Variants in RIMBP2 observed in about 807,000 individuals in gnomAD.
RIMBP2 encodes RIMS binding protein 2.
RIMBP2 carries 48 observed loss-of-function variants against 118.6 expected under a neutral mutation model. That is an observed-to-expected ratio of 0.40 (90% confidence interval 0.32 to 0.51). The LOEUF is 0.51. Ranked by LOEUF, RIMBP2 falls within the 20% of genes least tolerant of loss-of-function variation. RIMBP2 has a pLI of 0.41. For synonymous variants in RIMBP2, 762 were observed against 742.9 expected (o/e 1.03, Z -0.42); for missense variants, 1,551 against 1,768.3 (o/e 0.88, Z 2.20).
chr12:130,529,884 C>T (rs930044820), intron 2 of RIMBP2, among the ~76,000 whole-genome samples: 4 of 152,146 alleles, frequency 2.6e-5, no homozygotes, highest in Non-Finnish European at 5.9e-5. Context: ...CTTATGCCGC[C>T]GCTGATCTGA....
chr12:130,446,885 G>A lies in RIMBP2; in HGVS notation c.582-1616C>T, dbSNP rs1461278079. On this transcript the variant is annotated intron_variant, in intron 9 of 22. Coordinates refer to ENST00000690449, the MANE Select transcript of RIMBP2 (RefSeq NM_001393629.1). This position sits in a 1 kb window ranked among gnomAD's most constrained non-coding sequence, Gnocchi z 4.1. ...GGAGTTTGGTCGGGGAGTGACTTAG[G>A]AGGCTGTGGAAATGCGGGTTGCCTG... Among the ~76,000 whole-genome samples the A allele has an allele frequency of 6.6e-6, 1 of 152,078 alleles. No individual in the cohort carries two copies. The highest frequency in any genetic ancestry group is 1.5e-5 in the Non-Finnish European group (1 of 68,022).
At chr12:130,674,252 C>T (rs529925781) in intron 1 of RIMBP2, among the ~76,000 whole-genome samples, 4 of 152,218 alleles carry the variant, frequency 2.6e-5, no homozygotes, top group African/African-American at 9.7e-5. Context: ...GCGTCCCCTT[C>T]GCCTTCCGCC....
chr12:130,480,025 C>T (rs895828580), intron 4 of RIMBP2, among the ~76,000 whole-genome samples: 1 of 151,902 alleles, frequency 6.6e-6, no homozygotes, highest in Admixed American at 6.5e-5. Flanking sequence ...ACCCTGGCAG[C>T]CTGCAGGAGG....
chr12:130,454,050 A>G (rs1223545906), intron 7 of RIMBP2, among the ~76,000 whole-genome samples: 2 of 151,802 alleles, frequency 1.3e-5, no homozygotes, highest in South Asian at 2.1e-4. Flanking sequence ...CGAGACTCCA[A>G]TGCAAAAAAC....
rs56224194 is a variant in RIMBP2 at position 130,621,043 on chromosome 12, T to G, written c.-217+7279A>C. On this transcript the variant is annotated intron_variant, in intron 2 of 22. Coordinates refer to ENST00000690449, the MANE Select transcript of RIMBP2 (RefSeq NM_001393629.1). This position sits in a 1 kb window ranked among gnomAD's most constrained non-coding sequence, Gnocchi z 6.6. ...GGCTGAATGGGGAGGCCTGAAAATA[T>G]GCACACACCTCTGTAAGGAGATGGA... Among the ~76,000 whole-genome samples the G allele has an allele frequency of 0.029, 4,381 of 152,284 alleles. 89 individuals are homozygous for G. The highest frequency in any genetic ancestry group is 0.048 in the Middle Eastern group (14 of 294).
chr12:130,501,532 T>C lies in RIMBP2; in HGVS notation c.-4+5116A>G, dbSNP rs575003402. ...ACCGCAGTGCCATGTCAGTTTACCA[T>C]TGCCATGGCAACGTCCAGAAGTTAT... On this transcript the variant is annotated intron_variant, in intron 4 of 22. Transcript: ENST00000690449. Among the ~76,000 whole-genome samples the C allele has an allele frequency of 1.2e-4, 18 of 152,342 alleles. No individual in the cohort carries two copies. The East Asian group carries it at 2.9e-3, about 25-fold the overall frequency.
In RIMBP2 at chr12:130,420,230, AAAC is replaced by A. The variant is rs1249155145; in HGVS notation, c.3238+2220_3238+2222del. Among the ~76,000 whole-genome samples the A allele has an allele frequency of 6.6e-6, 1 of 152,182 alleles. No homozygotes were observed. Among genetic ancestry groups the A allele is most frequent in the Non-Finnish European group, 1.5e-5 (1 of 68,040 alleles). ...CACCCTCCGCTTCTGTTTCCTTTTG[AAAC>A]CATAATAGGTGCTGAGATGTGTATT... On this transcript the variant is annotated intron_variant, in intron 17 of 22. Coordinates refer to ENST00000690449, the MANE Select transcript of RIMBP2 (RefSeq NM_001393629.1). The surrounding 1 kb of genome is among the most constrained non-coding windows in gnomAD (Gnocchi z 4.3).
intron 1 of RIMBP2, among the ~76,000 whole-genome samples, chr12:130,655,206 A>C (rs2136297437): frequency 6.6e-6 from 1 of 152,296 alleles, no homozygotes; most frequent in East Asian, 1.9e-4. Context: ...GGGGCAGCAA[A>C]GGCCTCTCCA....
intron 2 of RIMBP2, among the ~76,000 whole-genome samples, chr12:130,535,940 C>T (rs368405906): frequency 5.9e-5 from 9 of 151,750 alleles, no homozygotes; most frequent in South Asian, 2.1e-4. Context: ...CCACCATATC[C>T]GCTGATTTTT....
chr12:130,554,500 T>G (rs2139777263), intron 2 of RIMBP2, among the ~76,000 whole-genome samples: 1 of 152,322 alleles, frequency 6.6e-6, no homozygotes, highest in South Asian at 2.1e-4. Flanking sequence ...AAAGTGACCC[T>G]ACTAACATCA....
rs148342938 is a variant in RIMBP2, at chr12:130,445,213, G to C, written c.638C>G (p.Ala213Gly). The change falls in exon 10 of 23, where the codon GCG becomes GGG. Residue 213 changes from alanine to glycine, a missense_variant. Ala to Gly is a moderately conservative substitution (Grantham distance 60). Coordinates refer to ENST00000690449, the MANE Select transcript of RIMBP2 (RefSeq NM_001393629.1). ...TCCATAGACGTAGAGGTATTTTCCC[G>C]CCGTGAGGGGCAGCTCAGCTTCGGG... ...ENPEAELPLT[A>G]GKYLYVYGDM... is the part of the protein sequence containing the mutation. 2 of 1,613,052 alleles carry C rather than the reference G, an allele frequency of 1.2e-6. No homozygotes were observed. The highest frequency in any genetic ancestry group is 1.3e-5 in the African/African-American group (1 of 74,858).
At chr12:130,657,867 A>T (rs972829763) in intron 1 of RIMBP2, 3 of 152,238 alleles carry the variant, frequency 2.0e-5, no homozygotes, top group Non-Finnish European at 4.4e-5. Flanking sequence ...CAGCTACCCA[A>T]CGAGTTGTTT....
At chr12:130,425,083 C>G (rs2076694323) in intron 15 of RIMBP2, 3 of 386,542 alleles carry the variant, frequency 7.8e-6, no homozygotes, top group Non-Finnish European at 9.1e-6. Context: ...AGAGCACACG[C>G]AGAGCCAGCG....
intron 4 of RIMBP2, among the ~76,000 whole-genome samples, chr12:130,482,213 T>A (rs540789254): frequency 1.0e-3 from 157 of 152,348 alleles, no homozygotes; most frequent in African/African-American, 3.6e-3. Flanking sequence ...CAGACCCTCA[T>A]GAGGCCCTCC....
intron 1 of RIMBP2, among the ~76,000 whole-genome samples, chr12:130,696,054 T>C (rs2065556127): frequency 6.6e-6 from 1 of 152,182 alleles, no homozygotes; most frequent in Non-Finnish European, 1.5e-5. Flanking sequence ...GGGGAGATGC[T>C]ACATGGGCAA....
intron 2 of RIMBP2, among the ~76,000 whole-genome samples, chr12:130,619,121 T>TA (rs1207890728): frequency 6.6e-6 from 1 of 152,248 alleles, no homozygotes; most frequent in African/African-American, 2.4e-5. Flanking sequence ...ATGTTAGTGT[T>TA]AATTAATCCA....
chr12:130,603,302 A>G (rs2140455720), intron 2 of RIMBP2, among the ~76,000 whole-genome samples: 1 of 152,334 alleles, frequency 6.6e-6, no homozygotes. Context: ...AGCTGCTAGA[A>G]GCACTGGGAA....
intron 1 of RIMBP2, among the ~76,000 whole-genome samples, chr12:130,642,300 T>TC: frequency 6.6e-6 from 1 of 151,572 alleles, no homozygotes; most frequent in Admixed American, 6.6e-5. Flanking sequence ...TTGTGTTTTT[T>TC]TGAGATGGAG....
chr12:130,412,297 G>A (rs990682395), intron 19 of RIMBP2, among the ~76,000 whole-genome samples: 4 of 152,242 alleles, frequency 2.6e-5, no homozygotes, highest in East Asian at 3.9e-4. Flanking sequence ...TGTTCAAACC[G>A]TATTACCAGA....
Sources: allele counts gnomAD v4.1 joint callset (sites outside exome capture counted in the v4.1 genomes callset), GRCh38; gene constraint gnomAD v4.1.1; non-coding constraint Gnocchi (gnomAD v3.1); transcripts MANE v1.5; gene names NCBI Gene and HGNC (gene_info 2026-07-23, HGNC 2026-07-21).